Variants in CELF2 observed in about 807,000 individuals in gnomAD.
The protein encoded by CELF2 is CUG triplet repeat RNA-binding protein 2.
CELF2 carries 8 observed loss-of-function variants against 62.6 expected under a neutral mutation model. That is an observed-to-expected ratio of 0.13 (90% CI 0.07 to 0.23). CELF2 has a LOEUF of 0.23. CELF2 is among the 10% of genes least tolerant of loss of function. The pLI is 1.00. For synonymous variants in CELF2, 258 were observed against 250.0 expected (o/e 1.03, Z -0.30); for missense variants, 333 against 671.0 (o/e 0.50, Z 5.56).
At chr10:10,517,618 A>G in the CELF2 span, among the ~76,000 whole-genome samples, 1 of 152,166 alleles carries the variant, frequency 6.6e-6, no homozygotes. Context: ...GCCCAGGCTG[A>G]TGTCAGGTCT....
chr10:10,815,109 T>C (rs1227473815), intron 1 of CELF2, among the ~76,000 whole-genome samples: 1 of 152,224 alleles, frequency 6.6e-6, no homozygotes, highest in African/African-American at 2.4e-5. Context: ...AGGCAGAATT[T>C]ATCTTAAAGA....
rs2071955012 is a variant in CELF2 at position 11,237,587 on chromosome 10, G to T, written c.355-11566G>T. On this transcript the variant is annotated intron_variant, in intron 3 of 12. Transcript: ENST00000633077. The surrounding 1 kb of genome is among the most constrained non-coding windows in gnomAD (Gnocchi z 4.0). ...CGTCAAGGGGAGCCCAGGTGCAAGGGCTGCTTCAGCCCCACTAGCATCTCC... is the reference window on the plus strand; with the variant it reads ...CGTCAAGGGGAGCCCAGGTGCAAGGTCTGCTTCAGCCCCACTAGCATCTCC... Among the ~76,000 whole-genome samples, 1 of 152,218 alleles carries T rather than the reference G, an allele frequency of 6.6e-6. No homozygotes were observed. Among genetic ancestry groups the T allele is most frequent in the Admixed American group, 6.5e-5 (1 of 15,280 alleles).
chr10:11,013,627 G>A (rs984135591), upstream of CELF2, among the ~76,000 whole-genome samples: 4 of 152,046 alleles, frequency 2.6e-5, no homozygotes, highest in Admixed American at 6.6e-5. This position sits in a 1 kb window ranked among gnomAD's most constrained non-coding sequence, Gnocchi z 4.1. Context: ...CTCAAGCAAT[G>A]GTGACTACTT....
At chr10:10,553,749 T>C in the CELF2 span, among the ~76,000 whole-genome samples, 5 of 152,220 alleles carry the variant, frequency 3.3e-5, no homozygotes, top group African/African-American at 1.2e-4. Context: ...CAGAGAACAC[T>C]GCGAGCAGAG....
At chr10:10,479,942 C>G in the CELF2 span, among the ~76,000 whole-genome samples, 9 of 152,330 alleles carry the variant, frequency 5.9e-5, no homozygotes, top group Non-Finnish European at 1.2e-4. Context: ...CAAGCATCAT[C>G]AAGCCTGACC....
At chr10:10,865,646 T>A (rs1388631694) in intron 1 of CELF2, among the ~76,000 whole-genome samples, 1 of 152,160 alleles carries the variant, frequency 6.6e-6, no homozygotes, top group Non-Finnish European at 1.5e-5. Flanking sequence ...AGGTAAAATA[T>A]GCGTGTCTTA....
At chr10:11,284,442 T>TGTGGTGGGTGGATGAGGGATGAGTGC (rs1565763090) in intron 8 of CELF2, among the ~76,000 whole-genome samples, 6 of 101,902 alleles carry the variant, frequency 5.9e-5, no homozygotes, top group South Asian at 3.2e-4. Context: ...TGGATGAGTG[T>TGTGGTGGGTGGATGAGGGATGAGTGC]GTGGTGGGTG....
At chr10:10,527,034 T>C in the CELF2 span, among the ~76,000 whole-genome samples, 1 of 152,198 alleles carries the variant, frequency 6.6e-6, no homozygotes, top group Non-Finnish European at 1.5e-5. Context: ...TCCAGATGTG[T>C]TTTTTTGCAT....
the CELF2 span, among the ~76,000 whole-genome samples, chr10:10,730,680 C>T: frequency 5.3e-5 from 8 of 152,190 alleles, no homozygotes; most frequent in African/African-American, 9.7e-5. Context: ...TCTGCCTTCA[C>T]GCCTTCCAGG....
chr10:11,292,198 A>G (rs763152894), intron 9 of CELF2, among the ~76,000 whole-genome samples: 1 of 152,188 alleles, frequency 6.6e-6, no homozygotes, highest in Non-Finnish European at 1.5e-5. Context: ...GCTTCCTTGA[A>G]GGCTGTGACA....
chr10:11,093,053 A>G (rs541922442), intron 1 of CELF2, among the ~76,000 whole-genome samples: 7 of 152,328 alleles, frequency 4.6e-5, no homozygotes, highest in African/African-American at 1.7e-4. Context: ...CTTGATTGGC[A>G]TCAGTCTTAA....
At chr10:11,265,574 C>G (rs553650436) in intron 5 of CELF2, among the ~76,000 whole-genome samples, 1 of 152,320 alleles carries the variant, frequency 6.6e-6, no homozygotes, top group Admixed American at 6.5e-5. Flanking sequence ...ATTTCACAGT[C>G]TTTTTCTCTA....
chr10:10,769,058 TC>T, the CELF2 span, among the ~76,000 whole-genome samples: 2 of 152,182 alleles, frequency 1.3e-5, no homozygotes, highest in African/African-American at 2.4e-5. Context: ...TATTTGTTTT[TC>T]CTCTCTTCAT....
At chr10:11,194,381 T>A (rs979156784) in intron 2 of CELF2, among the ~76,000 whole-genome samples, 9 of 152,194 alleles carry the variant, frequency 5.9e-5, no homozygotes, top group Admixed American at 6.5e-5. Flanking sequence ...ACTTTTTAAA[T>A]TGAGTTTTCA....
chr10:10,992,810 G>A (rs548523077), intron 2 of CELF2, among the ~76,000 whole-genome samples: 16 of 152,282 alleles, frequency 1.1e-4, no homozygotes, highest in African/African-American at 2.9e-4. Flanking sequence ...GCACAGTTAC[G>A]GCAGTAGGTT....
At chr10:10,913,945 G>A (rs1366678737) in intron 1 of CELF2, among the ~76,000 whole-genome samples, 1 of 147,292 alleles carries the variant, frequency 6.8e-6, no homozygotes, top group Non-Finnish European at 1.5e-5. Context: ...AGGAAGAGAG[G>A]AAGGAAGGAA....
At chr10:10,535,171 T>C in the CELF2 span, among the ~76,000 whole-genome samples, 1 of 152,102 alleles carries the variant, frequency 6.6e-6, no homozygotes, top group Non-Finnish European at 1.5e-5. Context: ...TCAACAGCAC[T>C]TGATGAGTCT....
intron 8 of CELF2, among the ~76,000 whole-genome samples, chr10:11,281,562 G>C (rs749773864): frequency 6.6e-6 from 1 of 152,074 alleles, no homozygotes; most frequent in African/African-American, 2.4e-5. Flanking sequence ...CGGAGTTCCC[G>C]ACCAGCCTGA....
At chr10:10,874,189 C>G (rs2060940658) in intron 1 of CELF2, among the ~76,000 whole-genome samples, 1 of 152,070 alleles carries the variant, frequency 6.6e-6, no homozygotes, top group South Asian at 2.1e-4. Flanking sequence ...CATGGTGGCA[C>G]ATGCCTTAAT....
Sources: allele counts gnomAD v4.1 joint callset (sites outside exome capture counted in the v4.1 genomes callset), GRCh38; gene constraint gnomAD v4.1.1; non-coding constraint Gnocchi (gnomAD v3.1); transcripts MANE v1.5; gene names NCBI Gene and HGNC (gene_info 2026-07-23, HGNC 2026-07-21).